DTNB: variants seen among roughly 807,000 people sequenced by gnomAD.
DTNB encodes the protein dystrobrevin beta, also known as DTN-B.
Under a neutral mutation model 90.7 loss-of-function variants are expected in DTNB, and 63 were observed. The ratio of observed to expected loss-of-function variants is 0.69; its 90% CI spans 0.57 to 0.86. The LOEUF (loss-of-function observed/expected upper bound fraction) is 0.86, where lower values mean the gene tolerates loss of function less well. Ranked by LOEUF, DTNB falls within the 40% of genes least tolerant of loss-of-function variation. The probability of loss-of-function intolerance (pLI) is 0.00; values close to 1 mark genes in which losing one functional copy is unlikely to be tolerated. For synonymous variants in DTNB, 277 were observed against 286.7 expected, an observed-to-expected ratio of 0.97 and a Z score of 0.34; for missense variants, 744 against 807.1, an observed-to-expected ratio of 0.92 and a Z score of 0.95.
intron 4 of DTNB, 108 bp from the exon 5 acceptor site, chr2:25,607,429 G>T: frequency 7.9e-6 from 8 of 1,016,942 alleles, no homozygotes; most frequent in South Asian, 4.6e-5. Flanking sequence ...GACCTTGTCT[G>T]TTACAATTTT....
chr2:25,405,420 A>G (rs1002609836), intron 16 of DTNB, among the ~76,000 whole-genome samples: 47 of 152,208 alleles, frequency 3.1e-4, no homozygotes, highest in African/African-American at 1.1e-3. Flanking sequence ...GGGCACCTGT[A>G]ATCCCAGCTA....
chr2:25,604,078 T>C (rs548413293), intron 5 of DTNB, among the ~76,000 whole-genome samples: 24 of 152,232 alleles, frequency 1.6e-4, no homozygotes, highest in East Asian at 1.9e-4. Context: ...CCGTAGCATA[T>C]TAAAAGTAGT....
chr2:25,464,123 G>A (rs1310614218), intron 10 of DTNB, among the ~76,000 whole-genome samples: 1 of 152,196 alleles, frequency 6.6e-6, no homozygotes, highest in Non-Finnish European at 1.5e-5. Context: ...TGGCCAGGCT[G>A]GTCTCGAACT....
intron 1 of DTNB, among the ~76,000 whole-genome samples, chr2:25,662,681 A>ACACACAAACACACAC: frequency 9.6e-6 from 1 of 104,530 alleles, no homozygotes; most frequent in East Asian, 2.4e-4. Context: ...CACACACACA[A>ACACACAAACACACAC]ACACACACAC....
chr2:25,565,469 C>A (rs567534497), intron 8 of DTNB, among the ~76,000 whole-genome samples: 1 of 152,116 alleles, frequency 6.6e-6, no homozygotes, highest in East Asian at 1.9e-4. Context: ...AGGCTGGTCT[C>A]GAATTCCTGG....
intron 9 of DTNB, among the ~76,000 whole-genome samples, chr2:25,501,159 G>A (rs1172538595): frequency 6.6e-6 from 1 of 151,742 alleles, no homozygotes; most frequent in African/African-American, 2.4e-5. Flanking sequence ...TACAGCTAAA[G>A]ATTGATGAAC....
At chr2:25,613,584 A>C (rs2069262055) in intron 4 of DTNB, among the ~76,000 whole-genome samples, 1 of 152,180 alleles carries the variant, frequency 6.6e-6, no homozygotes, top group Non-Finnish European at 1.5e-5. Context: ...ACATTACAAT[A>C]AAAGACAACA....
At chr2:25,409,733 G>T (rs1035947171) in intron 16 of DTNB, among the ~76,000 whole-genome samples, 2 of 152,160 alleles carry the variant, frequency 1.3e-5, no homozygotes, top group African/African-American at 4.8e-5. Context: ...GCTTCCAAGA[G>T]AACCGACGGT....
At position 25,576,253 on chromosome 2, in the gene DTNB, T is replaced by C. The variant is rs528107201; in HGVS notation, c.876+585A>G. Among the ~76,000 whole-genome samples the C allele has an allele frequency of 1.1e-3, 145 of 129,856 alleles. 1 individual carries two copies. The highest frequency in any genetic ancestry group is 3.4e-3 in the African/African-American group (113 of 33,634). The allele number at this position is 129,856 out of a possible 152,430, so 85.2% of individuals were successfully genotyped here. ...TTTTTTTTTTTTTTTTGAGACAGAG[T>C]CTTACTCTGTTGCCCAGGCTGGAGT... On this transcript the variant is annotated intron_variant, in intron 8 of 20. Coordinates refer to ENST00000406818, the MANE Select transcript of DTNB (RefSeq NM_021907.5).
In DTNB at chr2:25,379,308, C is replaced by T. The variant is rs368628317; in HGVS notation, c.*11G>A. 37 of 1,321,586 alleles carry T rather than the reference C, an allele frequency of 2.8e-5. No individual in the cohort carries two copies. Among genetic ancestry groups the T allele is most frequent in the African/African-American group, 2.1e-4 (14 of 66,516 alleles). 81.9% of individuals were successfully genotyped at this position (1,321,586 alleles called of 1,614,324 possible). A position where few individuals can be genotyped will look rare whatever the true frequency, so the allele number is the denominator to read the frequency against. On this transcript the variant is annotated 3_prime_UTR_variant, in exon 20 of 21. Coordinates refer to ENST00000406818, the MANE Select transcript of DTNB (RefSeq NM_021907.5). ...TACTCACCTGAGCTTCCTCTGTGTC[C>T]GGCTCCTCTGCTAACCTGTGGCAGC...
chr2:25,479,394 G>T (rs2064442106), intron 10 of DTNB, among the ~76,000 whole-genome samples: 1 of 152,120 alleles, frequency 6.6e-6, no homozygotes, highest in South Asian at 2.1e-4. Context: ...CAGGGGAGGG[G>T]TATTTTAAGC....
At chr2:25,540,590 A>G (rs1021502544) in intron 8 of DTNB, among the ~76,000 whole-genome samples, 3 of 152,144 alleles carry the variant, frequency 2.0e-5, no homozygotes, top group Admixed American at 6.6e-5. Flanking sequence ...GCGGTTTTGT[A>G]GAATAGAAAA....
intron 4 of DTNB, among the ~76,000 whole-genome samples, chr2:25,613,078 ATTC>A (rs1215469539): frequency 2.6e-5 from 4 of 152,160 alleles, no homozygotes; most frequent in Non-Finnish European, 5.9e-5. Context: ...GGTCAGTATT[ATTC>A]TTTTTTTAAT....
chr2:25,405,602 G>GT, intron 16 of DTNB, among the ~76,000 whole-genome samples: 1 of 149,502 alleles, frequency 6.7e-6, no homozygotes, highest in East Asian at 2.0e-4. Context: ...TTTTTGTTTT[G>GT]TTGTTGTTTT....
chr2:25,609,588 A>C lies in DTNB; in HGVS notation c.363-2267T>G, dbSNP rs1234670668. 5.4e-5 allele frequency among the ~76,000 whole-genome samples: 5 copies of C among 91,858 alleles called. No homozygotes were observed. In the East Asian group the frequency reaches 1.1e-3, roughly 21 times the overall value. The allele number at this position is 91,858 out of a possible 152,430, so 60.3% of individuals were successfully genotyped here. ...TTGTTGCCTGGGCAACAAGAGCGAA[A>C]CTCTTTCAAAAAAAAAAAAAAAACT... On this transcript the variant is annotated intron_variant, in intron 4 of 20. Coordinates refer to ENST00000406818, the MANE Select transcript of DTNB (RefSeq NM_021907.5).
At chr2:25,533,940 T>TTCTA (rs1553498459) in intron 8 of DTNB, among the ~76,000 whole-genome samples, 2 of 151,156 alleles carry the variant, frequency 1.3e-5, no homozygotes, top group Non-Finnish European at 2.9e-5. Context: ...TTATTTTTAT[T>TTCTA]TTTATTTATT....
At chr2:25,512,493 C>CAA (rs1172678079) in intron 9 of DTNB, among the ~76,000 whole-genome samples, 2 of 152,172 alleles carry the variant, frequency 1.3e-5, no homozygotes, top group East Asian at 3.8e-4. Context: ...GTTGAAGGTG[C>CAA]AAAGAAAGTG....
At position 25,591,976 on chromosome 2, in the gene DTNB, G is replaced by A. The variant is rs533538152; in HGVS notation, c.603+4110C>T. On this transcript the variant is annotated intron_variant, in intron 6 of 20. Coordinates refer to ENST00000406818, the MANE Select transcript of DTNB (RefSeq NM_021907.5). ...CTTGGGAGGCTGAGGCAGGAGAATC[G>A]CTTGAACCGGGGAGGCAGAGGTTGC... Among the ~76,000 whole-genome samples the A allele has an allele frequency of 8.7e-5, 13 of 148,636 alleles. No individual in the cohort carries two copies. In the South Asian group the frequency reaches 1.7e-3, roughly 19 times the overall value.
rs752769970 is a variant in DTNB at position 25,580,801 on chromosome 2, A to G, written c.629T>C (p.Leu210Ser). Reference sequence around the variant, plus strand: ...AGGAGGGTCAGCCATCATTGTGTCTAAAAACATATTTAGCATTATCTTTCT... The same window carrying G: ...AGGAGGGTCAGCCATCATTGTGTCTGAAAACATATTTAGCATTATCTTTCT... Reference protein sequence around the residue: ...QQRKIMLNMFLDTMMADPPPQ... With the variant: ...QQRKIMLNMFSDTMMADPPPQ... Residue 210 changes from leucine (L) to serine (S), a missense_variant, in exon 7 of 21, where the codon TTA becomes TCA. Leu to Ser is a moderately radical substitution (Grantham distance 145). Transcript: ENST00000406818. 6.2e-7 allele frequency: 1 copy of G among 1,613,254 alleles called. No homozygotes were observed. Among genetic ancestry groups the G allele is most frequent in the Admixed American group, 1.7e-5 (1 of 60,000 alleles).
Sources: gnomAD v4.1 joint callset for allele counts (sites outside exome capture counted in the v4.1 genomes callset) on GRCh38, gnomAD v4.1.1 for gene constraint, MANE v1.5 for transcripts, NCBI Gene and HGNC (gene_info 2026-07-23, HGNC 2026-07-21) for gene names.